The following BTRC variants were observed in gnomAD, a reference collection of about 807,000 sequenced individuals.
BTRC encodes the protein F-box/WD repeat-containing protein 1A.
A neutral mutation model predicts 85.5 loss-of-function variants in BTRC; 42 were observed. The ratio of observed to expected loss-of-function variants is 0.49; its 90% CI spans 0.38 to 0.64. The LOEUF (loss-of-function observed/expected upper bound fraction) is 0.64, where lower values mean the gene tolerates loss of function less well. Among genes scored for constraint, BTRC ranks in the 30% least tolerant of loss-of-function variants. The probability of loss-of-function intolerance (pLI) is 0.00; values close to 1 mark genes in which losing one functional copy is unlikely to be tolerated. For missense variants in BTRC, 594 were observed against 743.5 expected, an observed-to-expected ratio of 0.80 and a Z score of 2.34; for synonymous variants, 255 against 263.3, an observed-to-expected ratio of 0.97 and a Z score of 0.30.
intron 4 of BTRC, among the ~76,000 whole-genome samples, chr10:101,483,500 G>A (rs1166582072): frequency 6.6e-6 from 1 of 152,148 alleles, no homozygotes; most frequent in African/African-American, 2.4e-5. Context: ...GGCTGAGGCA[G>A]GAGAATCACT....
At chr10:101,538,517 A>G in intron 13 of BTRC, 146 bp downstream of exon 13, 1 of 658,668 alleles carries the variant, frequency 1.5e-6, no homozygotes, top group Middle Eastern at 2.6e-4. Context: ...GTACATGACA[A>G]TAAAATATGT....
intron 1 of BTRC, among the ~76,000 whole-genome samples, chr10:101,377,889 GGT>G (rs1942829857): frequency 6.6e-6 from 1 of 150,496 alleles, no homozygotes; most frequent in Non-Finnish European, 1.5e-5. Flanking sequence ...TTTTTTTTCT[GGT>G]GACCTTTGGT....
rs1404071611 is a variant in BTRC, at chr10:101,535,446, G to C, written c.1440G>C (p.Val480=). The C allele has an allele frequency of 6.2e-7, 1 of 1,613,534 alleles. No homozygotes were observed. The highest frequency in any genetic ancestry group is 2.2e-5 in the East Asian group (1 of 44,884). ...TGCAGTACAGGGACAGGCTGGTAGT[G>C]AGTGGCTCATCTGACAACACTATCA... ...ACLQYRDRLV[V]SGSSDNTIRL... is the part of the protein sequence containing the mutation. The change falls in exon 11 of 15, where the codon GTG becomes GTC. Residue 480 remains valine (V), a synonymous_variant. Transcript: ENST00000370187.
chr10:101,399,731 T>G (rs1943450251), intron 1 of BTRC, among the ~76,000 whole-genome samples: 1 of 152,242 alleles, frequency 6.6e-6, no homozygotes, highest in Admixed American at 6.5e-5. Context: ...GATTGGTGTC[T>G]AAAGTAGGCA....
intron 1 of BTRC, among the ~76,000 whole-genome samples, chr10:101,423,084 T>G (rs1944151328): frequency 6.6e-6 from 1 of 152,140 alleles, no homozygotes; most frequent in Non-Finnish European, 1.5e-5. Flanking sequence ...ATTTTCCAGT[T>G]TTTCATAAAA....
intron 2 of BTRC, among the ~76,000 whole-genome samples, chr10:101,456,018 A>AC (rs60361192): frequency 1.5e-4 from 22 of 150,210 alleles, no homozygotes; most frequent in East Asian, 3.9e-4. Context: ...ACACACACAC[A>AC]AAATTAGCTG....
intron 3 of BTRC, 144 bp downstream of exon 3, chr10:101,462,202 C>G (rs1014112309): frequency 2.3e-5 from 14 of 606,566 alleles, no homozygotes; most frequent in African/African-American, 5.6e-5. Flanking sequence ...CCATCACTTT[C>G]AATCAGGTGA....
intron 1 of BTRC, among the ~76,000 whole-genome samples, chr10:101,364,037 T>G (rs1405868926): frequency 6.6e-6 from 1 of 152,098 alleles, no homozygotes; most frequent in Non-Finnish European, 1.5e-5. Context: ...AAGCCCAAAG[T>G]CAAGCAGGGC....
At chr10:101,417,734 G>T (rs909247165) in intron 1 of BTRC, among the ~76,000 whole-genome samples, 1 of 152,036 alleles carries the variant, frequency 6.6e-6, no homozygotes, top group Non-Finnish European at 1.5e-5. Flanking sequence ...ACTCAGGGTG[G>T]AGTGCAGTGG....
chr10:101,510,768 T>C (rs1453281806), intron 4 of BTRC, among the ~76,000 whole-genome samples: 1 of 152,204 alleles, frequency 6.6e-6, no homozygotes, highest in Non-Finnish European at 1.5e-5. Flanking sequence ...AAATGTATAT[T>C]ATGACCCAGA....
chr10:101,534,859 A>G lies in BTRC; in HGVS notation c.1296A>G (p.Val432=). 1.9e-6 allele frequency: 3 copies of G among 1,614,052 alleles called. No individual in the cohort carries two copies. Among genetic ancestry groups the G allele is most frequent in the Non-Finnish European group, 1.7e-6 (2 of 1,179,924 alleles). The change falls in exon 10 of 15, where the codon GTA becomes GTG. Residue 432 remains valine, a synonymous_variant. Coordinates refer to ENST00000370187, the MANE Select transcript of BTRC (RefSeq NM_033637.4). The part of the protein sequence containing the change: ...LVGHRAAVNV[V]DFDDKYIVSA... ...GACACCGAGCTGCTGTCAATGTTGT[A>G]GACTTTGATGACAAGTACATTGTTT...
intron 1 of BTRC, among the ~76,000 whole-genome samples, chr10:101,381,426 G>A (rs1435515149): frequency 3.9e-5 from 6 of 152,168 alleles, no homozygotes; most frequent in Admixed American, 3.9e-4. Flanking sequence ...TCTCTAAAAT[G>A]AGAATAACAA....
chr10:101,487,720 G>C (rs150368873), intron 4 of BTRC, among the ~76,000 whole-genome samples: 3 of 152,018 alleles, frequency 2.0e-5, no homozygotes, highest in Non-Finnish European at 2.9e-5. Context: ...CTACCCAGTC[G>C]GAACACTGAA....
At chr10:101,420,068 A>ATG (rs1944058106) in intron 1 of BTRC, among the ~76,000 whole-genome samples, 1 of 151,380 alleles carries the variant, frequency 6.6e-6, no homozygotes, top group African/African-American at 2.4e-5. Flanking sequence ...ACATATATAT[A>ATG]TATATATCAT....
At chr10:101,461,108 G>A (rs565251591) in intron 2 of BTRC, among the ~76,000 whole-genome samples, 9 of 152,070 alleles carry the variant, frequency 5.9e-5, no homozygotes, top group Non-Finnish European at 1.3e-4. Flanking sequence ...CAGCATGTTG[G>A]CCAGGCTGGT....
At chr10:101,437,953 C>CT (rs1944574691) in intron 2 of BTRC, among the ~76,000 whole-genome samples, 1 of 152,198 alleles carries the variant, frequency 6.6e-6, no homozygotes, top group Non-Finnish European at 1.5e-5. Context: ...CTTCCCTGAT[C>CT]TTTATCTTTG....
intron 1 of BTRC, among the ~76,000 whole-genome samples, chr10:101,379,401 A>G (rs1048809058): frequency 6.6e-6 from 1 of 152,208 alleles, no homozygotes; most frequent in Non-Finnish European, 1.5e-5. Flanking sequence ...TTTTGAAAGC[A>G]TTCGTGTTAA....
At chr10:101,392,481 A>C (rs574244014) in intron 1 of BTRC, among the ~76,000 whole-genome samples, 1 of 152,124 alleles carries the variant, frequency 6.6e-6, no homozygotes, top group East Asian at 1.9e-4. Flanking sequence ...AAATTAATTG[A>C]AAGTTTTTTG....
chr10:101,366,966 A>AT (rs1197730152), intron 1 of BTRC, among the ~76,000 whole-genome samples: 5 of 40,736 alleles, frequency 1.2e-4, no homozygotes, highest in South Asian at 5.1e-4. Flanking sequence ...ATATTTATAT[A>AT]AATATATATT....
Sources: allele counts gnomAD v4.1 joint callset (sites outside exome capture counted in the v4.1 genomes callset), GRCh38; gene constraint gnomAD v4.1.1; transcripts MANE v1.5; gene names NCBI Gene and HGNC (gene_info 2026-07-23, HGNC 2026-07-21).